The following CENPM variants were observed in gnomAD, a reference collection of about 807,000 sequenced individuals.
CENPM encodes the protein interphase centromere complex protein 39.
CENPM carries 14 observed loss-of-function variants against 19.6 expected under a neutral mutation model. The ratio of observed to expected loss-of-function variants is 0.71; its 90% CI spans 0.47 to 1.11. CENPM has a LOEUF of 1.11. Ranked by LOEUF, CENPM falls within the 50% of genes most tolerant of loss-of-function variation. The pLI is 0.00. For missense variants in CENPM, 239 were observed against 228.4 expected (o/e 1.05, Z -0.30); for synonymous variants, 114 against 101.5 (o/e 1.12, Z -0.74).
chr22:41,929,906 C>T, the CENPM span, among the ~76,000 whole-genome samples: 5 of 146,712 alleles, frequency 3.4e-5, no homozygotes, highest in Non-Finnish European at 7.5e-5. Flanking sequence ...TGTTAGTTTA[C>T]TCCTCAATGT....
intron 4 of CENPM, chr22:41,944,514 T>C (rs1353002393): frequency 3.4e-6 from 1 of 296,636 alleles, no homozygotes; most frequent in Non-Finnish European, 5.0e-6. Context: ...CCACTTTTCA[T>C]CTAGGGGCCT....
intron 4 of CENPM, among the ~76,000 whole-genome samples, chr22:41,944,431 G>A (rs527774855): frequency 2.6e-4 from 27 of 104,184 alleles, no homozygotes; most frequent in African/African-American, 9.9e-4. Context: ...GCGAGACTCC[G>A]TCTCAAAAAA....
intron 4 of CENPM, among the ~76,000 whole-genome samples, chr22:41,944,414 C>T (rs1235666515): frequency 4.0e-5 from 5 of 124,894 alleles, no homozygotes; most frequent in Admixed American, 1.1e-4. Flanking sequence ...CCAGCCTGGG[C>T]GGCTGAGCGA....
chr22:41,945,768 T>C, intron 3 of CENPM, 145 bp downstream of exon 3: 3 of 643,434 alleles, frequency 4.7e-6, no homozygotes, highest in South Asian at 2.0e-5. Context: ...CACTGACCAC[T>C]GGCTCCTCTC....
chr22:41,941,565 G>A (rs947402137), intron 5 of CENPM, among the ~76,000 whole-genome samples: 2 of 152,262 alleles, frequency 1.3e-5, no homozygotes, highest in African/African-American at 4.8e-5. Context: ...CCCCTTTAGA[G>A]ATGCTTCGTG....
downstream of CENPM, among the ~76,000 whole-genome samples, chr22:41,933,798 G>A (rs561130027): frequency 7.4e-4 from 113 of 152,272 alleles, no homozygotes; most frequent in African/African-American, 2.5e-3. Context: ...CTTTGTGCTC[G>A]AGCCCTGCCA....
Position 41,939,221 on chromosome 22 carries a change from G to A in CENPM, c.403-25C>T, listed in dbSNP as rs781341914. ...CCTGCGGGGAGAGCAGAGAACAGCA[G>A]TGAGATAGAATGCTGGCCCTGCTCC... On this transcript the variant is annotated intron_variant, in intron 5 of 5. Coordinates refer to ENST00000215980, the MANE Select transcript of CENPM (RefSeq NM_024053.5). 8 of 1,596,092 alleles carry A rather than the reference G, an allele frequency of 5.0e-6. No individual in the cohort carries two copies. The South Asian group carries it at 9.0e-5, about 18-fold the overall frequency.
intron 5 of CENPM, among the ~76,000 whole-genome samples, chr22:41,941,045 A>C (rs968537352): frequency 2.6e-5 from 4 of 152,090 alleles, no homozygotes; most frequent in Admixed American, 1.3e-4. Flanking sequence ...CTTATGTTAC[A>C]TGTCTGCTTA....
chr22:41,941,049 C>T (rs1322706221), intron 5 of CENPM, among the ~76,000 whole-genome samples: 1 of 152,196 alleles, frequency 6.6e-6, no homozygotes, highest in African/African-American at 2.4e-5. Flanking sequence ...TGTTACATGT[C>T]TGCTTATTTC....
At chr22:41,946,802 C>T in intron 1 of CENPM, 1 of 608,808 alleles carries the variant, frequency 1.6e-6, no homozygotes, top group South Asian at 2.0e-5. Flanking sequence ...CAATCAGAAG[C>T]TGGGAAAGGG....
At chr22:41,946,613 G>T in intron 1 of CENPM, 117 bp from the exon 2 acceptor site, 1 of 821,610 alleles carries the variant, frequency 1.2e-6, no homozygotes, top group Non-Finnish European at 1.9e-6. Flanking sequence ...CGGCTCGGAG[G>T]ACATTTCCCG....
chr22:41,947,032 C>G lies in CENPM; in HGVS notation c.45G>C (p.Thr15=), dbSNP rs751499547. The G allele has an allele frequency of 1.2e-6, 2 of 1,612,892 alleles. No individual in the cohort carries two copies. Among genetic ancestry groups the G allele is most frequent in the Non-Finnish European group, 8.5e-7 (1 of 1,179,926 alleles). ...RPLDKLPGLN[T]ATILLVGTED... is the part of the protein sequence containing the mutation. ...CGCCTGCACCTACCAAGATGGTGGC[C>G]GTGTTCAGGCCGGGCAGCTTGTCCA... Residue 15 remains threonine (T), a synonymous_variant, in exon 1 of 6, where the codon ACG becomes ACC. Transcript: ENST00000215980.
At chr22:41,930,231 G>A in the CENPM span, among the ~76,000 whole-genome samples, 9 of 143,978 alleles carry the variant, frequency 6.3e-5, no homozygotes, top group East Asian at 2.1e-4. Context: ...GTGAGCCACC[G>A]CGTCCCTTTT....
At chr22:41,932,551 C>T in the CENPM span, among the ~76,000 whole-genome samples, 2 of 152,256 alleles carry the variant, frequency 1.3e-5, no homozygotes, top group South Asian at 2.1e-4. This position sits in a 1 kb window ranked among gnomAD's most constrained non-coding sequence, Gnocchi z 4.3. Context: ...TCCATGCACA[C>T]GTGCGCACAC....
the CENPM span, among the ~76,000 whole-genome samples, chr22:41,930,650 G>A: frequency 6.6e-6 from 1 of 151,226 alleles, no homozygotes; most frequent in East Asian, 2.0e-4. Flanking sequence ...TCCTGAGTAC[G>A]TGGGATTACA....
At chr22:41,936,817 G>T (rs563788752), downstream of CENPM, among the ~76,000 whole-genome samples, 158 of 152,242 alleles carry the variant, frequency 1.0e-3, no homozygotes, top group Non-Finnish European at 1.7e-3. Flanking sequence ...AATCTCAGCT[G>T]CTCGGGAGGC....
intron 5 of CENPM, among the ~76,000 whole-genome samples, chr22:41,940,940 C>G (rs1350582314): frequency 6.6e-6 from 1 of 152,186 alleles, no homozygotes; most frequent in African/African-American, 2.4e-5. Context: ...ATGCCCAGGT[C>G]TGACCACAAT....
intron 4 of CENPM, 172 bp downstream of exon 4, chr22:41,945,053 A>C: frequency 6.8e-7 from 1 of 1,468,226 alleles, no homozygotes; most frequent in Non-Finnish European, 9.1e-7. Context: ...AGTACCCATT[A>C]GTTATTTTTC....
chr22:41,943,517 C>T (rs2077761891), intron 5 of CENPM, 93 bp downstream of exon 5: 13 of 1,112,100 alleles, frequency 1.2e-5, no homozygotes, highest in Non-Finnish European at 1.7e-5. Flanking sequence ...ATACTAAGTC[C>T]TTCGATAAGC....
Sources: allele counts gnomAD v4.1 joint callset (sites outside exome capture counted in the v4.1 genomes callset), GRCh38; gene constraint gnomAD v4.1.1; non-coding constraint Gnocchi (gnomAD v3.1); transcripts MANE v1.5; gene names NCBI Gene and HGNC (gene_info 2026-07-23, HGNC 2026-07-21).